TNRC6C: variants seen among roughly 807,000 people sequenced by gnomAD.
TNRC6C encodes trinucleotide repeat containing adaptor 6C, also known as trinucleotide repeat-containing gene 6C protein.
Under a neutral mutation model 153.7 loss-of-function variants are expected in TNRC6C, and 20 were observed. The ratio of observed to expected loss-of-function variants is 0.13; its 90% CI spans 0.09 to 0.19. The LOEUF is 0.19. Among genes scored for constraint, TNRC6C ranks in the 10% least tolerant of loss-of-function variants. TNRC6C has a pLI of 1.00. For missense variants in TNRC6C, 1,987 were observed against 2,172.0 expected, an observed-to-expected ratio of 0.91 and a Z score of 1.69; for synonymous variants, 811 against 841.4, an observed-to-expected ratio of 0.96 and a Z score of 0.63.
intron 1 of TNRC6C, among the ~76,000 whole-genome samples, chr17:78,017,307 G>A (rs1365743002): frequency 4.7e-5 from 7 of 149,890 alleles, no homozygotes; most frequent in Admixed American, 3.3e-4. Flanking sequence ...GCACCTCAGC[G>A]TGCTCCCACT....
At chr17:78,042,827 A>G (rs1478001288) in intron 2 of TNRC6C, among the ~76,000 whole-genome samples, 2 of 151,706 alleles carry the variant, frequency 1.3e-5, no homozygotes, top group Non-Finnish European at 2.9e-5. Context: ...GATGGTCGTA[A>G]CAGTGGTGAT....
chr17:78,005,118 G>C, intron 1 of TNRC6C, 39 bp downstream of exon 3: 4 of 1,218,430 alleles, frequency 3.3e-6, no homozygotes, highest in Non-Finnish European at 4.1e-6. Context: ...ATTTATGGCG[G>C]TACCAAAATT....
At chr17:78,018,879 A>G (rs1567918017) in intron 1 of TNRC6C, among the ~76,000 whole-genome samples, 1 of 152,150 alleles carries the variant, frequency 6.6e-6, no homozygotes, top group Non-Finnish European at 1.5e-5. Flanking sequence ...GAGTGCAGGA[A>G]AAGTTTTAAG....
chr17:78,088,910 C>CA (rs1283847177), intron 13 of TNRC6C, among the ~76,000 whole-genome samples: 13 of 150,880 alleles, frequency 8.6e-5, no homozygotes, highest in Admixed American at 7.3e-4. Context: ...TTCTATTATT[C>CA]ACCTGTCTTC....
At chr17:78,050,882 G>A in exon 3 of TNRC6C, 1 of 1,613,930 alleles carries the variant, frequency 6.2e-7, no homozygotes, top group Non-Finnish European at 8.5e-7. Flanking sequence ...TCTGTCCTTG[G>A]ACACTTGGGG....
intron 13 of TNRC6C, among the ~76,000 whole-genome samples, chr17:78,087,372 C>T (rs150242687): frequency 6.6e-6 from 1 of 152,106 alleles, no homozygotes. Flanking sequence ...CCCACCTCAG[C>T]CTCTTAAAGT....
upstream of TNRC6C, among the ~76,000 whole-genome samples, chr17:78,004,792 A>G (rs186122653): frequency 1.1e-3 from 170 of 152,288 alleles, no homozygotes; most frequent in African/African-American, 3.5e-3. Flanking sequence ...TAGTTTAAAC[A>G]GTATACCTAT....
Position 78,064,945 on chromosome 17 carries a change from T to C in TNRC6C, c.2611+8T>C. The C allele has an allele frequency of 6.2e-7, 1 of 1,601,106 alleles. No homozygotes were observed. On this transcript the variant is annotated splice_region_variant and intron_variant, in intron 4 of 19. Coordinates refer to ENST00000301624, the Ensembl canonical transcript of TNRC6C. ...CAGCCCTGTGCAAACCAGGTAAGCCTAGCATCCTGCTTGCCCTGATCTGGC... is the reference window on the plus strand; with the variant it reads ...CAGCCCTGTGCAAACCAGGTAAGCCCAGCATCCTGCTTGCCCTGATCTGGC...
chr17:78,044,229 T>G (rs1158627242), intron 2 of TNRC6C, among the ~76,000 whole-genome samples: 1 of 152,240 alleles, frequency 6.6e-6, no homozygotes, highest in Admixed American at 6.5e-5. Context: ...TTTTTGCAAG[T>G]AACTTCAGTT....
intron 3 of TNRC6C, among the ~76,000 whole-genome samples, chr17:78,063,450 A>G (rs1465513808): frequency 6.6e-6 from 1 of 151,944 alleles, no homozygotes; most frequent in African/African-American, 2.4e-5. Context: ...GAAAATTTGT[A>G]TAAATGGATC....
Position 78,104,545 on chromosome 17 carries a change from C to G in TNRC6C, c.4773C>G (p.Arg1591=), listed in dbSNP as rs1451142382. Residue 1591 remains arginine (R), a synonymous_variant, in exon 20 of 20, where the codon CGC becomes CGG. Coordinates refer to ENST00000301624, the Ensembl canonical transcript of TNRC6C. This position sits in a 1 kb window ranked among gnomAD's most constrained non-coding sequence, Gnocchi z 6.2. ...TCGCTGGTGAAGAAGAAGTGAATCG[C>G]TTCTTAGCCCAAGGCCAGGCGCTGC... is the stretch of plus-strand genomic sequence containing the variant. The G allele has an allele frequency of 6.5e-7, 1 of 1,547,892 alleles. No individual in the cohort carries two copies. Among genetic ancestry groups the G allele is most frequent in the South Asian group, 1.2e-5 (1 of 83,830 alleles).
At chr17:78,007,299 C>CA (rs886673447) in intron 1 of TNRC6C, among the ~76,000 whole-genome samples, 1 of 152,080 alleles carries the variant, frequency 6.6e-6, no homozygotes. Flanking sequence ...TCTTTCCAAA[C>CA]AAAAAATGCT....
chr17:78,030,150 CTTTT>C (rs373605701), intron 1 of TNRC6C, among the ~76,000 whole-genome samples: 4 of 149,246 alleles, frequency 2.7e-5, no homozygotes, highest in Non-Finnish European at 6.0e-5. Flanking sequence ...ATGTGCTAGA[CTTTT>C]TTTTTTGTTT....
chr17:78,025,458 T>C (rs1160581573), intron 1 of TNRC6C, among the ~76,000 whole-genome samples: 2 of 152,250 alleles, frequency 1.3e-5, no homozygotes, highest in East Asian at 3.8e-4. Flanking sequence ...TGTTCCATTG[T>C]CTGAATGCAC....
At chr17:77,994,617 G>C (rs2071300286) in intron 1 of TNRC6C, among the ~76,000 whole-genome samples, 1 of 152,154 alleles carries the variant, frequency 6.6e-6, no homozygotes. Flanking sequence ...CATCACTTCA[G>C]TGACAGACCA....
rs141343161 is a variant in TNRC6C at position 77,997,735 on chromosome 17, C to T, written c.-37-6435C>T. On this transcript the variant is annotated intron_variant, in intron 1 of 22. Coordinates refer to the TNRC6C transcript ENST00000636222. ...GCAGTGGCGCGATCTCAGCTCACTGCAAGCTCCGCCTCCTGGGTTCATGCC... is the reference window on the plus strand; with the variant it reads ...GCAGTGGCGCGATCTCAGCTCACTGTAAGCTCCGCCTCCTGGGTTCATGCC... Among the ~76,000 whole-genome samples the T allele has an allele frequency of 8.0e-3, 1,217 of 152,180 alleles. 19 individuals are homozygous for T. Among genetic ancestry groups the T allele is most frequent in the African/African-American group, 0.027 (1,128 of 41,518 alleles).
chr17:78,039,418 T>C (rs77476819), intron 2 of TNRC6C, among the ~76,000 whole-genome samples: 2,361 of 152,056 alleles, frequency 0.016, 56 homozygotes, highest in African/African-American at 0.054. Context: ...AGAAGCTTCA[T>C]TGGTTTTGTA....
chr17:78,047,606 T>A (rs546231095), intron 2 of TNRC6C, among the ~76,000 whole-genome samples: 1 of 152,330 alleles, frequency 6.6e-6, no homozygotes, highest in South Asian at 2.1e-4. Context: ...AGAATTTATG[T>A]GGGAAATTCA....
chr17:78,102,798 G>A (rs1196215285), intron 18 of TNRC6C: 1 of 493,004 alleles, frequency 2.0e-6, no homozygotes, highest in Non-Finnish European at 3.6e-6. Context: ...CTGGAAAAGT[G>A]TGCTCTGTAA....
Sources: allele counts gnomAD v4.1 joint callset (sites outside exome capture counted in the v4.1 genomes callset), GRCh38; gene constraint gnomAD v4.1.1; non-coding constraint Gnocchi (gnomAD v3.1); transcripts MANE v1.5; gene names NCBI Gene and HGNC (gene_info 2026-07-23, HGNC 2026-07-21).